Variants in MYO18A observed in about 807,000 individuals in gnomAD.
The protein encoded by MYO18A is myosin XVIIIA, also known as unconventional myosin-XVIIIa.
In MYO18A, 78 loss-of-function variants were observed where a neutral mutation model predicts 235.8. That is an observed-to-expected ratio of 0.33 (90% CI 0.28 to 0.40). MYO18A has a LOEUF of 0.40. MYO18A is among the 10% of genes least tolerant of loss of function. The probability of loss-of-function intolerance (pLI) is 1.00; values close to 1 mark genes in which losing one functional copy is unlikely to be tolerated. For synonymous variants in MYO18A, 977 were observed against 1,077.8 expected (o/e 0.91, Z 1.83); for missense variants, 2,215 against 2,699.3 (o/e 0.82, Z 3.98).
intron 1 of MYO18A, among the ~76,000 whole-genome samples, chr17:29,169,199 C>T (rs1171190904): frequency 1.3e-5 from 2 of 151,896 alleles, no homozygotes; most frequent in Non-Finnish European, 2.9e-5. Flanking sequence ...TACAGGTGCC[C>T]GCCACCACGC....
intron 1 of MYO18A, among the ~76,000 whole-genome samples, chr17:29,176,237 T>G (rs1056377038): frequency 7.9e-5 from 12 of 152,182 alleles, no homozygotes; most frequent in Non-Finnish European, 1.5e-4. Context: ...GCAGTAAAGC[T>G]GCAAACAGGG....
chr17:29,098,323 T>C (rs767950858), intron 24 of MYO18A, 33 bp downstream of exon 24: 14 of 1,612,988 alleles, frequency 8.7e-6, no homozygotes, highest in Non-Finnish European at 2.5e-6. Context: ...CCTGCAGCCA[T>C]GCCCAGTCGG....
chr17:29,120,020 C>T lies in MYO18A; in HGVS notation c.1729-585G>A, dbSNP rs893928195. ...CCTCCCAAGTAGCTGGGACCACAGG[C>T]GTGCACTACCACATCTGGCTCAATT... is the stretch of plus-strand genomic sequence containing the variant. On this transcript the variant is annotated intron_variant, in intron 7 of 41. Coordinates refer to ENST00000527372, the MANE Select transcript of MYO18A (RefSeq NM_078471.4). This position sits in a 1 kb window ranked among gnomAD's most constrained non-coding sequence, Gnocchi z 4.2. 2.0e-5 allele frequency among the ~76,000 whole-genome samples: 3 copies of T among 152,164 alleles called. No homozygotes were observed. The highest frequency in any genetic ancestry group is 4.8e-5 in the African/African-American group (2 of 41,440).
At chr17:29,143,753 A>G (rs967878241) in intron 2 of MYO18A, among the ~76,000 whole-genome samples, 14 of 152,120 alleles carry the variant, frequency 9.2e-5, no homozygotes, top group Non-Finnish European at 2.1e-4. Context: ...ATTCATCTCA[A>G]AGATCTCACA....
chr17:29,177,897 A>C (rs2068567875), intron 1 of MYO18A, among the ~76,000 whole-genome samples: 1 of 152,164 alleles, frequency 6.6e-6, no homozygotes, highest in Non-Finnish European at 1.5e-5. Context: ...TGAAGGATTA[A>C]GAACAGCCCT....
At position 29,110,480 on chromosome 17, in the gene MYO18A, C is replaced by T; in HGVS notation, c.3043G>A (p.Ala1015Thr). ...ATGCACAGTGACTTCTTTTTGACAGCCGCCATGCCTGTGGTAAAGGTTTTC... is the reference window on the plus strand; with the variant it reads ...ATGCACAGTGACTTCTTTTTGACAGTCGCCATGCCTGTGGTAAAGGTTTTC... ...MRKTFTTGMAAVKKKSLCIQM... is the reference protein window; with the variant it reads ...MRKTFTTGMATVKKKSLCIQM... Residue 1015 changes from alanine to threonine, a missense_variant, in exon 18 of 42, where the codon GCT becomes ACT. By Grantham distance (58) the Ala-to-Thr change is moderately conservative. Coordinates refer to ENST00000527372, the MANE Select transcript of MYO18A (RefSeq NM_078471.4). The T allele has an allele frequency of 1.3e-6, 2 of 1,598,886 alleles. No individual in the cohort carries two copies. Among genetic ancestry groups the T allele is most frequent in the Non-Finnish European group, 8.5e-7 (1 of 1,173,150 alleles).
chr17:29,079,336 T>G (rs2066059806), intron 41 of MYO18A, among the ~76,000 whole-genome samples: 1 of 152,172 alleles, frequency 6.6e-6, no homozygotes, highest in Non-Finnish European at 1.5e-5. Context: ...TTCCCAGCTG[T>G]GCGTGACCAC....
intron 2 of MYO18A, among the ~76,000 whole-genome samples, chr17:29,146,215 G>A (rs1253297613): frequency 2.6e-5 from 4 of 152,188 alleles, no homozygotes; most frequent in South Asian, 4.2e-4. Context: ...CTGAGATCAC[G>A]CCACTGCACT....
chr17:29,085,156 T>C (rs868051139), intron 40 of MYO18A, among the ~76,000 whole-genome samples: 11 of 152,316 alleles, frequency 7.2e-5, no homozygotes, highest in South Asian at 2.1e-4. Flanking sequence ...AGTGGACCTT[T>C]AAAGATGAAA....
chr17:29,147,163 C>G (rs1411418445), intron 2 of MYO18A, among the ~76,000 whole-genome samples: 1 of 152,188 alleles, frequency 6.6e-6, no homozygotes, highest in East Asian at 1.9e-4. Context: ...GCCTGGAAAA[C>G]AATGGGAGGC....
In MYO18A at chr17:29,134,422, G is replaced by A. The variant is rs576943658; in HGVS notation, c.1000-12169C>T. On this transcript the variant is annotated intron_variant, in intron 2 of 41. Coordinates refer to ENST00000527372, the MANE Select transcript of MYO18A (RefSeq NM_078471.4). ...TTGAATAAGCCACTTCGCCTCTTTGGGCCTCTCTGTAGAATTAGGGGCTAG... is the reference window on the plus strand; with the variant it reads ...TTGAATAAGCCACTTCGCCTCTTTGAGCCTCTCTGTAGAATTAGGGGCTAG... Among the ~76,000 whole-genome samples the A allele has an allele frequency of 5.9e-5, 9 of 152,142 alleles. No individual in the cohort carries two copies. In the East Asian group the frequency reaches 1.7e-3, roughly 29 times the overall value.
intron 2 of MYO18A, among the ~76,000 whole-genome samples, chr17:29,156,172 A>G (rs146667334): frequency 1.1e-3 from 162 of 152,306 alleles, no homozygotes; most frequent in Middle Eastern, 3.4e-3. Flanking sequence ...ACATTCCAGT[A>G]TGAAGGCAGT....
rs533255260 is a variant in MYO18A, at chr17:29,125,805, C to T, written c.1000-3552G>A. The T allele has an allele frequency of 1.6e-5, 10 of 608,638 alleles. No individual in the cohort carries two copies. The South Asian group carries it at 3.6e-4, about 22-fold the overall frequency. The allele number at this position is 608,638 out of a possible 1,614,324, so 37.7% of individuals were successfully genotyped here. A position where few individuals can be genotyped will look rare whatever the true frequency, so the allele number is the denominator to read the frequency against. ...GCCATGGAGCCATCTTCATGGTCAGCGCGCCTACAGACACACACAGGGTCC... is the reference window on the plus strand; with the variant it reads ...GCCATGGAGCCATCTTCATGGTCAGTGCGCCTACAGACACACACAGGGTCC... On this transcript the variant is annotated intron_variant, in intron 2 of 41. Transcript: ENST00000527372. The surrounding 1 kb of genome is among the most constrained non-coding windows in gnomAD (Gnocchi z 5.1).
At position 29,113,952 on chromosome 17, in the gene MYO18A, G is replaced by A. The variant is rs189682764; in HGVS notation, c.2598+59C>T. On this transcript the variant is annotated intron_variant, in intron 15 of 41. Coordinates refer to ENST00000527372, the MANE Select transcript of MYO18A (RefSeq NM_078471.4). Reference sequence around the variant, plus strand: ...GCTCAGATGGGGAGGGCTCCACCACGGGGAGAGGGGTGGGGAACGAGAGGA... The same window carrying A: ...GCTCAGATGGGGAGGGCTCCACCACAGGGAGAGGGGTGGGGAACGAGAGGA... The A allele has an allele frequency of 4.0e-5, 55 of 1,373,476 alleles. No individual in the cohort carries two copies. In the African/African-American group the frequency reaches 5.2e-4, roughly 13 times the overall value. The allele number at this position is 1,373,476 out of a possible 1,614,324, so 85.1% of individuals were successfully genotyped here. A position where few individuals can be genotyped will look rare whatever the true frequency, so the allele number is the denominator to read the frequency against.
In MYO18A at chr17:29,158,740, G is replaced by A. The variant is rs985951326; in HGVS notation, c.999+7202C>T. ...CGGGAGCCCTGCTGGCAGGCAGCGC[G>A]TGCCTGTGGTTTCTGGGAAATGCTG... is the stretch of plus-strand genomic sequence containing the variant. On this transcript the variant is annotated intron_variant, in intron 2 of 41. Coordinates refer to ENST00000527372, the MANE Select transcript of MYO18A (RefSeq NM_078471.4). This position sits in a 1 kb window ranked among gnomAD's most constrained non-coding sequence, Gnocchi z 4.3. 2.6e-5 allele frequency among the ~76,000 whole-genome samples: 4 copies of A among 152,198 alleles called. No individual in the cohort carries two copies. The East Asian group carries it at 5.8e-4, about 22-fold the overall frequency.
chr17:29,121,751 T>C lies in MYO18A; in HGVS notation c.1195-28A>G, dbSNP rs376195842. The stretch of plus-strand genomic sequence containing the variant: ...GTGTGGGAGGACAGGCGGGTGGGTA[T>C]TAGAGCAGCAGAGCCCATCTCCGCT... On this transcript the variant is annotated intron_variant, in intron 4 of 41. Transcript: ENST00000527372. This position sits in a 1 kb window ranked among gnomAD's most constrained non-coding sequence, Gnocchi z 4.2. The C allele has an allele frequency of 6.3e-7, 1 of 1,581,254 alleles. No individual in the cohort carries two copies. Among genetic ancestry groups the C allele is most frequent in the South Asian group, 1.1e-5 (1 of 88,468 alleles).
chr17:29,109,786 G>A lies in MYO18A; in HGVS notation c.3331+72C>T. On this transcript the variant is annotated intron_variant, in intron 19 of 41. Coordinates refer to ENST00000527372, the MANE Select transcript of MYO18A (RefSeq NM_078471.4). This position sits in a 1 kb window ranked among gnomAD's most constrained non-coding sequence, Gnocchi z 4.1. ...GCCCCACTGCAGCCCACGGGTCGCA[G>A]GTGGGAGGTGGGGCCGGGCAGGGCC... 1.3e-6 allele frequency: 2 copies of A among 1,515,548 alleles called. No homozygotes were observed. Among genetic ancestry groups the A allele is most frequent in the South Asian group, 1.2e-5 (1 of 80,826 alleles). The allele number at this position is 1,515,548 out of a possible 1,614,324, so 93.9% of individuals were successfully genotyped here.
intron 40 of MYO18A, among the ~76,000 whole-genome samples, chr17:29,083,523 C>CGT (rs762941855): frequency 3.1e-5 from 2 of 65,370 alleles, no homozygotes; most frequent in East Asian, 5.9e-3. Flanking sequence ...GGCATGTGTG[C>CGT]GCGCGCGCGC....
intron 41 of MYO18A, chr17:29,080,201 C>G: frequency 1.0e-6 from 1 of 986,046 alleles, no homozygotes; most frequent in South Asian, 4.7e-5. Context: ...TCATCCTCCT[C>G]GGAGTCGGGC....
Sources: gnomAD v4.1 joint callset for allele counts (sites outside exome capture counted in the v4.1 genomes callset) on GRCh38, gnomAD v4.1.1 for gene constraint, Gnocchi (gnomAD v3.1) non-coding constraint, MANE v1.5 for transcripts, NCBI Gene and HGNC (gene_info 2026-07-23, HGNC 2026-07-21) for gene names.